The following ODAD2 variants were observed in gnomAD, a reference collection of about 807,000 sequenced individuals.
ODAD2 encodes outer dynein arm docking complex subunit 2.
ODAD2 carries 89 observed loss-of-function variants against 106.8 expected under a neutral mutation model. The ratio of observed to expected loss-of-function variants is 0.83; its 90% CI spans 0.70 to 0.99. The LOEUF (loss-of-function observed/expected upper bound fraction) is 0.99. ODAD2 is among the 50% of genes least tolerant of loss of function. The pLI, the probability that ODAD2 is intolerant of heterozygous loss-of-function variation, is 0.00. For synonymous variants in ODAD2, 404 were observed against 436.2 expected (o/e 0.93, Z 0.92); for missense variants, 1,168 against 1,238.5 (o/e 0.94, Z 0.85).
intron 16 of ODAD2, among the ~76,000 whole-genome samples, chr10:27,920,666 G>A (rs1278179223): frequency 6.6e-6 from 1 of 152,100 alleles, no homozygotes; most frequent in African/African-American, 2.4e-5. Context: ...AAATGTTCTT[G>A]TTGATACAAA....
chr10:27,940,850 A>G, intron 12 of ODAD2, 45 bp from the exon 13 acceptor site: 1 of 1,582,272 alleles, frequency 6.3e-7, no homozygotes, highest in East Asian at 2.3e-5. Context: ...TCTTAAAAAG[A>G]ACATTTAAGG....
intron 19 of ODAD2, among the ~76,000 whole-genome samples, chr10:27,819,964 T>C (rs1299915671): frequency 6.6e-6 from 1 of 152,216 alleles, no homozygotes; most frequent in East Asian, 1.9e-4. Flanking sequence ...GTTATGCATT[T>C]GAATCGCATA....
rs61842706 is a variant in ODAD2 at position 27,908,498 on chromosome 10, A to G, written c.2496-721T>C. ...GCAGTAAGGTCCATTGGGTACTCAC[A>G]GCGGAGAAGAAGGCCAAACAAAACT... On this transcript the variant is annotated intron_variant, in intron 16 of 19. Coordinates refer to ENST00000305242, the MANE Select transcript of ODAD2 (RefSeq NM_018076.5). Among the ~76,000 whole-genome samples, 578 of 152,336 alleles carry G rather than the reference A, an allele frequency of 3.8e-3. 1 individual carries two copies. Among genetic ancestry groups the G allele is most frequent in the Admixed American group, 6.5e-3 (100 of 15,292 alleles).
chr10:27,948,261 C>G (rs146476576), intron 10 of ODAD2, among the ~76,000 whole-genome samples: 4 of 151,312 alleles, frequency 2.6e-5, no homozygotes, highest in African/African-American at 9.7e-5. Flanking sequence ...TTTTTTAGAA[C>G]AGTTTTATAT....
intron 19 of ODAD2, among the ~76,000 whole-genome samples, chr10:27,821,236 C>A (rs554263132): frequency 6.6e-6 from 1 of 152,144 alleles, no homozygotes; most frequent in South Asian, 2.1e-4. Context: ...TTGAGAAGTA[C>A]CCCCAAGACC....
At chr10:27,887,656 G>T (rs1341867855) in intron 17 of ODAD2, among the ~76,000 whole-genome samples, 2 of 151,902 alleles carry the variant, frequency 1.3e-5, no homozygotes, top group African/African-American at 4.8e-5. Context: ...AATAAAAATA[G>T]AAATTTGCAG....
At chr10:27,969,313 T>A (rs1848675626) in intron 8 of ODAD2, among the ~76,000 whole-genome samples, 1 of 151,776 alleles carries the variant, frequency 6.6e-6, no homozygotes, top group African/African-American at 2.4e-5. Context: ...TAGGTATGTA[T>A]CGCCGCCAAT....
At position 27,834,857 on chromosome 10, in the gene ODAD2, G is replaced by T. The variant is rs759962622; in HGVS notation, c.3022-22232C>A. Among the ~76,000 whole-genome samples the T allele has an allele frequency of 1.3e-5, 2 of 152,160 alleles. 1 individual carries two copies. The highest frequency in any genetic ancestry group is 4.1e-4 in the South Asian group (2 of 4,834). On this transcript the variant is annotated intron_variant, in intron 19 of 19. Coordinates refer to ENST00000305242, the MANE Select transcript of ODAD2 (RefSeq NM_018076.5). ...ATGCAGAACACACCTAAGTCATAGA[G>T]TCTCCAAAGAAATTGCCTGGAAGCT...
At chr10:27,924,332 AATG>A (rs1249638111) in intron 16 of ODAD2, among the ~76,000 whole-genome samples, 1 of 151,802 alleles carries the variant, frequency 6.6e-6, no homozygotes, top group African/African-American at 2.4e-5. Flanking sequence ...CACTTCTAAA[AATG>A]ATGATAATGA....
chr10:27,936,629 A>T (rs1319171663), intron 15 of ODAD2, 97 bp downstream of exon 15: 1 of 1,303,032 alleles, frequency 7.7e-7, no homozygotes, highest in African/African-American at 1.5e-5. Flanking sequence ...TCTACAACTA[A>T]CATTAGAATT....
At chr10:27,815,055 G>C (rs779070211) in intron 19 of ODAD2, among the ~76,000 whole-genome samples, 1 of 151,936 alleles carries the variant, frequency 6.6e-6, no homozygotes, top group Non-Finnish European at 1.5e-5. Context: ...GACCAATAAG[G>C]TCTCCTTCAT....
chr10:27,935,328 C>A, intron 15 of ODAD2, 76 bp from the exon 16 acceptor site: 2 of 1,536,126 alleles, frequency 1.3e-6, no homozygotes, highest in Non-Finnish European at 8.9e-7. Context: ...TTCATTCAAT[C>A]CTTACAACAA....
At chr10:27,814,128 T>G (rs988632661) in intron 19 of ODAD2, among the ~76,000 whole-genome samples, 5 of 151,586 alleles carry the variant, frequency 3.3e-5, no homozygotes, top group African/African-American at 1.2e-4. Context: ...GGGAGAAAAA[T>G]GGAATTTATT....
chr10:27,873,486 G>C (rs1841073581), intron 17 of ODAD2, among the ~76,000 whole-genome samples: 1 of 137,906 alleles, frequency 7.3e-6, no homozygotes, highest in Admixed American at 7.8e-5. Flanking sequence ...TTCTCTTGTG[G>C]GCATTTAGTG....
At chr10:27,841,437 C>T (rs1964950) in intron 19 of ODAD2, among the ~76,000 whole-genome samples, 86,014 of 151,632 alleles carry the variant, frequency 0.57, 25,225 homozygotes, top group Middle Eastern at 0.69. Flanking sequence ...GCTCTGTCAC[C>T]TAGGCTGGAG....
intron 9 of ODAD2, among the ~76,000 whole-genome samples, chr10:27,963,656 T>A (rs1013674537): frequency 3.4e-5 from 5 of 146,640 alleles, no homozygotes; most frequent in Admixed American, 2.7e-4. Flanking sequence ...CTATTTATGG[T>A]CTTAATTCCT....
chr10:27,865,953 G>GATTTACTATTCT (rs1313097569), intron 17 of ODAD2, among the ~76,000 whole-genome samples: 7 of 152,140 alleles, frequency 4.6e-5, no homozygotes, highest in African/African-American at 1.4e-4. Context: ...CTGATAGTTA[G>GATTTACTATTCT]GACATACTTC....
At position 27,978,426 on chromosome 10, in the gene ODAD2, G is replaced by A. The variant is rs1386160610; in HGVS notation, c.936+3040C>T. 2.6e-5 allele frequency among the ~76,000 whole-genome samples: 4 copies of A among 152,102 alleles called. 1 individual carries two copies. The highest frequency in any genetic ancestry group is 5.9e-5 in the Non-Finnish European group (4 of 68,022). On this transcript the variant is annotated intron_variant, in intron 7 of 19. Coordinates refer to ENST00000305242, the MANE Select transcript of ODAD2 (RefSeq NM_018076.5). ...ATAATAAAGGTATTCTCTAACATCC[G>A]AATCCTCAATTTTTCCCTCCCATGT... is the stretch of plus-strand genomic sequence containing the variant.
chr10:27,851,871 C>T (rs1332526191), intron 19 of ODAD2, among the ~76,000 whole-genome samples: 3 of 152,168 alleles, frequency 2.0e-5, no homozygotes, highest in Admixed American at 6.6e-5. Flanking sequence ...CTACACAAGG[C>T]CCATCATAAT....
Sources: gnomAD v4.1 joint callset for allele counts (sites outside exome capture counted in the v4.1 genomes callset) on GRCh38, gnomAD v4.1.1 for gene constraint, MANE v1.5 for transcripts, NCBI Gene and HGNC (gene_info 2026-07-23, HGNC 2026-07-21) for gene names.